Variants in CALY observed in about 807,000 individuals in gnomAD.
CALY encodes neuron-specific vesicular protein calcyon.
In CALY, 15 loss-of-function variants were observed where a neutral mutation model predicts 20.2. The observed-to-expected ratio is 0.74, with a 90% confidence interval of 0.50 to 1.14. The LOEUF (loss-of-function observed/expected upper bound fraction) is 1.14. CALY is among the 50% of genes most tolerant of loss of function. CALY has a pLI of 0.00. For missense variants in CALY, 270 were observed against 304.4 expected, an observed-to-expected ratio of 0.89 and a Z score of 0.84; for synonymous variants, 129 against 131.8, an observed-to-expected ratio of 0.98 and a Z score of 0.15.
chr10:133,335,351 G>A (rs1286868596), intron 1 of CALY, among the ~76,000 whole-genome samples: 1 of 152,182 alleles, frequency 6.6e-6, no homozygotes. Context: ...GCCCGCGCCA[G>A]GAGTCTCCGC....
At position 133,328,872 on chromosome 10, in the gene CALY, G is replaced by T; in HGVS notation, c.118C>A (p.Pro40Thr). The T allele has an allele frequency of 6.5e-7, 1 of 1,544,518 alleles. No individual in the cohort carries two copies. Reference protein sequence around the residue: ...ISPLDISQLQPPLPDQVVIKT... With the variant: ...ISPLDISQLQTPLPDQVVIKT... The stretch of plus-strand genomic sequence containing the variant: ...GCCCTCACCTGGTCAGGGAGTGGCG[G>T]CTGGAGCTGGCTGATGTCCAAGGGG... Residue 40 changes from proline (P) to threonine (T), a missense_variant, in exon 2 of 6, where the codon CCG becomes ACG. By Grantham distance (38) the Pro-to-Thr change is conservative (BLOSUM62 -1). Coordinates refer to ENST00000252939, the MANE Select transcript of CALY (RefSeq NM_015722.4).
In CALY at chr10:133,324,549, C is replaced by T. The variant is rs1397497485; in HGVS notation, c.*1046G>A. The T allele has an allele frequency of 6.8e-6, 2 of 296,278 alleles. No homozygotes were observed. The highest frequency in any genetic ancestry group is 2.8e-5 in the African/African-American group (1 of 35,104). The allele number at this position is 296,278 out of a possible 1,614,324, so 18.4% of individuals were successfully genotyped here. On this transcript the variant is annotated 3_prime_UTR_variant, in exon 6 of 6. Coordinates refer to ENST00000252939, the MANE Select transcript of CALY (RefSeq NM_015722.4). ...CAATTGGCTGGGGTGGGCGGGGCTGCAGTGCTGCAATTGGCTGGGGTGGGC... is the reference window on the plus strand; with the variant it reads ...CAATTGGCTGGGGTGGGCGGGGCTGTAGTGCTGCAATTGGCTGGGGTGGGC...
At chr10:133,326,324 G>A in intron 4 of CALY, 1 of 1,501,802 alleles carries the variant, frequency 6.7e-7, no homozygotes. Flanking sequence ...TAAGGGGAGG[G>A]GCCACCCAGG....
At chr10:133,330,549 T>C (rs1333896378) in intron 1 of CALY, among the ~76,000 whole-genome samples, 2 of 137,658 alleles carry the variant, frequency 1.5e-5, no homozygotes, top group Admixed American at 7.9e-5. Flanking sequence ...TCCCAGCTAC[T>C]TGGGAGGCTG....
chr10:133,326,810 C>T (rs1350934157), intron 4 of CALY, 68 bp downstream of exon 4: 3 of 1,030,628 alleles, frequency 2.9e-6, no homozygotes, highest in Admixed American at 4.0e-5. Context: ...ACCCCTGCCA[C>T]CCCCTGCCTG....
intron 1 of CALY, among the ~76,000 whole-genome samples, chr10:133,330,650 T>G (rs1479274355): frequency 1.9e-5 from 1 of 53,014 alleles, no homozygotes; most frequent in Non-Finnish European, 3.7e-5. Context: ...AGAGAGAGAC[T>G]CCGTCTCAAA....
intron 5 of CALY, 52 bp downstream of exon 5, chr10:133,325,747 G>T: frequency 3.6e-6 from 3 of 823,522 alleles, no homozygotes; most frequent in South Asian, 5.9e-5. Flanking sequence ...GTGGCGGGAG[G>T]CCAGGAAGAG....
intron 4 of CALY, chr10:133,326,330 C>T (rs144848884): frequency 6.1e-6 from 9 of 1,479,688 alleles, no homozygotes; most frequent in Non-Finnish European, 7.4e-6. Flanking sequence ...GAGGGGCCAC[C>T]CAGGGAGAGG....
In CALY at chr10:133,328,892, A is replaced by C. The variant is rs1848257435; in HGVS notation, c.98T>G (p.Leu33Trp). 2 of 1,549,170 alleles carry C rather than the reference A, an allele frequency of 1.3e-6. No homozygotes were observed. Among genetic ancestry groups the C allele is most frequent in the Non-Finnish European group, 1.7e-6 (2 of 1,147,410 alleles). Residue 33 changes from leucine to tryptophan, a missense_variant, in exon 2 of 6, where the codon TTG becomes TGG. Coordinates refer to ENST00000252939, the MANE Select transcript of CALY (RefSeq NM_015722.4). ...AMDSVPLISP[L>W]DISQLQPPLP... ...TGGCGGCTGGAGCTGGCTGATGTCC[A>C]AGGGGCTGATCAGAGGCACACTGTC...
chr10:133,334,993 G>GT (rs1848411073), intron 1 of CALY, among the ~76,000 whole-genome samples: 1 of 152,192 alleles, frequency 6.6e-6, no homozygotes. Flanking sequence ...CGGCGGGCGA[G>GT]GTTTCACGGT....
At chr10:133,327,085 C>T (rs1346240000) in intron 3 of CALY, 94 bp from the exon 4 acceptor site, 14 of 845,824 alleles carry the variant, frequency 1.7e-5, no homozygotes, top group Admixed American at 2.0e-5. Flanking sequence ...GGACCATCCC[C>T]GCCCTCCAGT....
intron 5 of CALY, 66 bp from the exon 6 acceptor site, chr10:133,325,632 T>A: frequency 3.1e-6 from 1 of 325,688 alleles, no homozygotes; most frequent in Non-Finnish European, 5.4e-6. Context: ...GGACCCCGCG[T>A]CACCCGGCGG....
intron 1 of CALY, 24 bp from the exon 2 acceptor site, chr10:133,329,033 C>T: frequency 1.3e-6 from 2 of 1,511,860 alleles, no homozygotes; most frequent in Non-Finnish European, 1.8e-6. Context: ...GACAGAGTCA[C>T]TGCCCACAGG....
At chr10:133,327,068 T>G (rs1258943489) in intron 3 of CALY, 77 bp from the exon 4 acceptor site, 1 of 995,200 alleles carries the variant, frequency 1.0e-6, no homozygotes, top group Non-Finnish European at 1.6e-6. Flanking sequence ...GGGGCTGGGC[T>G]GGCACAGGAC....
At position 133,325,397 on chromosome 10, in the gene CALY, G is replaced by A. The variant is rs1180642722; in HGVS notation, c.*198C>T. The stretch of plus-strand genomic sequence containing the variant: ...GGGCGGGAGAAAGGCCAGCCCGGCA[G>A]AGGACGCGCAGGAGAGATGGAAGCC... On this transcript the variant is annotated 3_prime_UTR_variant, in exon 6 of 6. Transcript: ENST00000252939. The A allele has an allele frequency of 1.3e-5, 2 of 154,836 alleles. No homozygotes were observed. The highest frequency in any genetic ancestry group is 2.4e-5 in the African/African-American group (1 of 41,594). The allele number at this position is 154,836 out of a possible 1,614,324, so 9.6% of individuals were successfully genotyped here.
intron 3 of CALY, 75 bp from the exon 4 acceptor site, chr10:133,327,066 G>T: frequency 2.0e-6 from 2 of 1,001,352 alleles, no homozygotes; most frequent in Non-Finnish European, 3.1e-6. Flanking sequence ...CAGGGGCTGG[G>T]CTGGCACAGG....
intron 1 of CALY, among the ~76,000 whole-genome samples, chr10:133,334,730 A>G (rs1246269484): frequency 6.6e-6 from 1 of 150,842 alleles, no homozygotes; most frequent in Non-Finnish European, 1.5e-5. Flanking sequence ...AGGGCTGGGT[A>G]GGGGATGGGG....
intron 1 of CALY, among the ~76,000 whole-genome samples, chr10:133,334,995 TTTCACG>T (rs1848411152): frequency 6.6e-6 from 1 of 151,950 alleles, no homozygotes. Context: ...GCGGGCGAGG[TTTCACG>T]GTGCAGCCAG....
At chr10:133,335,113 G>A (rs1050120763) in intron 1 of CALY, among the ~76,000 whole-genome samples, 13 of 152,142 alleles carry the variant, frequency 8.5e-5, no homozygotes, top group Admixed American at 2.0e-4. Context: ...CCGAGAGGCC[G>A]GGGAATGACG....
Sources: allele counts gnomAD v4.1 joint callset (sites outside exome capture counted in the v4.1 genomes callset), GRCh38; gene constraint gnomAD v4.1.1; transcripts MANE v1.5; gene names NCBI Gene and HGNC (gene_info 2026-07-23, HGNC 2026-07-21).